PLB1: variants seen among roughly 807,000 people sequenced by gnomAD.
PLB1 encodes the protein phospholipase B1, membrane-associated.
In PLB1, 242 loss-of-function variants were observed where a neutral mutation model predicts 227.4. The observed-to-expected ratio is 1.06, with a 90% CI of 0.96 to 1.18. PLB1 has a LOEUF of 1.18. Among genes scored for constraint, PLB1 ranks in the 50% most tolerant of loss-of-function variants. PLB1 has a pLI of 0.00. For synonymous variants in PLB1, 757 were observed against 682.2 expected, an observed-to-expected ratio of 1.11 and a Z score of -1.71; for missense variants, 1,858 against 1,816.3, an observed-to-expected ratio of 1.02 and a Z score of -0.42.
At chr2:28,578,055 G>A (rs369954152) in intron 21 of PLB1, 52 bp from the exon 22 acceptor site, 196 of 1,564,952 alleles carry the variant, frequency 1.3e-4, no homozygotes, top group Non-Finnish European at 1.6e-4. Flanking sequence ...TCTGCTAAGG[G>A]CCCCTGCCAG....
At chr2:28,575,175 T>C (rs1162684575) in intron 21 of PLB1, among the ~76,000 whole-genome samples, 1 of 152,204 alleles carries the variant, frequency 6.6e-6, no homozygotes, top group African/African-American at 2.4e-5. Context: ...GGCCAACACC[T>C]ATTATTTTTT....
chr2:28,643,464 C>T lies in PLB1; in HGVS notation c.*403C>T, dbSNP rs1690182859. ...TCAAAGGCAGAAAAAATGCTGGTCA[C>T]CAGGTGGTGGCTGGAATTTTGGAGC... On this transcript the variant is annotated 3_prime_UTR_variant, in exon 58 of 58. Coordinates refer to ENST00000327757, the MANE Select transcript of PLB1 (RefSeq NM_153021.5). 1 of 168,654 alleles carries T rather than the reference C, an allele frequency of 5.9e-6. No individual in the cohort carries two copies. Among genetic ancestry groups the T allele is most frequent in the Non-Finnish European group, 1.3e-5 (1 of 78,762 alleles). 10.4% of individuals were successfully genotyped at this position (168,654 alleles called of 1,614,324 possible).
rs146485949 is a variant in PLB1 at position 28,497,792 on chromosome 2, T to C, written c.55+1623T>C. On this transcript the variant is annotated intron_variant, in intron 1 of 57. Transcript: ENST00000327757. ...GGAGTGCAGTGGCTTGGTCTCAGCT[T>C]ACCGCAACCTCTGCCCTCCAGGTTC... Among the ~76,000 whole-genome samples, 825 of 152,150 alleles carry C rather than the reference T, an allele frequency of 5.4e-3. 8 individuals carry two copies. Among genetic ancestry groups the C allele is most frequent in the African/African-American group, 0.019 (785 of 41,504 alleles).
At chr2:28,573,130 C>T in intron 20 of PLB1, 67 bp from the exon 21 acceptor site, 3 of 1,271,798 alleles carry the variant, frequency 2.4e-6, no homozygotes, top group South Asian at 1.2e-5. Flanking sequence ...CCCACTGGTG[C>T]TTATCAAAGG....
In PLB1 at chr2:28,589,986, T is replaced by C; in HGVS notation, c.2017-19T>C. The C allele has an allele frequency of 6.2e-7, 1 of 1,609,384 alleles. No individual in the cohort carries two copies. Among genetic ancestry groups the C allele is most frequent in the Non-Finnish European group, 8.5e-7 (1 of 1,175,878 alleles). ...GGCCGCCTCTTCCTCACTCCCCATCTCCCTGCTTCTTTGTTTAGCTGGAGC... is the reference window on the plus strand; with the variant it reads ...GGCCGCCTCTTCCTCACTCCCCATCCCCCTGCTTCTTTGTTTAGCTGGAGC... On this transcript the variant is annotated intron_variant, in intron 28 of 57. Coordinates refer to ENST00000327757, the MANE Select transcript of PLB1 (RefSeq NM_153021.5).
At chr2:28,519,045 T>G (rs566845129) in intron 3 of PLB1, among the ~76,000 whole-genome samples, 1 of 152,318 alleles carries the variant, frequency 6.6e-6, no homozygotes, top group South Asian at 2.1e-4. Flanking sequence ...ATAAGGACTT[T>G]AGGTTGAAAA....
At chr2:28,576,613 C>A (rs1304724352) in intron 21 of PLB1, among the ~76,000 whole-genome samples, 1 of 152,092 alleles carries the variant, frequency 6.6e-6, no homozygotes, top group Non-Finnish European at 1.5e-5. Context: ...GCCTGTAATT[C>A]CAGTTATTTG....
intron 56 of PLB1, among the ~76,000 whole-genome samples, chr2:28,639,540 A>C (rs1327518689): frequency 6.6e-6 from 1 of 152,180 alleles, no homozygotes; most frequent in Admixed American, 6.5e-5. Flanking sequence ...GGGGACATGG[A>C]TCAAAGAAAG....
chr2:28,540,342 T>C, intron 11 of PLB1, 24 bp from the exon 12 acceptor site: 1 of 1,607,794 alleles, frequency 6.2e-7, no homozygotes, highest in Non-Finnish European at 8.5e-7. Context: ...CCCTCTCTCA[T>C]TCCTGGTGTG....
intron 35 of PLB1, 23 bp from the exon 36 acceptor site, chr2:28,600,786 G>A (rs1183539579): frequency 6.2e-7 from 1 of 1,611,712 alleles, no homozygotes; most frequent in Non-Finnish European, 8.5e-7. Flanking sequence ...TCAACAGAAG[G>A]ATGGGTTTTC....
At chr2:28,620,699 G>A (rs1188594712) in intron 48 of PLB1, 56 bp downstream of exon 48, 5 of 1,607,388 alleles carry the variant, frequency 3.1e-6, no homozygotes, top group African/African-American at 1.3e-5. Context: ...TGGGGCCAGG[G>A]CCTTCCTGCT....
chr2:28,629,020 G>A (rs1179134649), intron 52 of PLB1, 74 bp from the exon 53 acceptor site: 4 of 1,263,234 alleles, frequency 3.2e-6, no homozygotes, highest in Non-Finnish European at 4.5e-6. Context: ...AGTGGGAATT[G>A]GATTGTAGAT....
chr2:28,534,390 G>C (rs1671400905), intron 9 of PLB1, among the ~76,000 whole-genome samples: 1 of 152,078 alleles, frequency 6.6e-6, no homozygotes, highest in Admixed American at 6.5e-5. Flanking sequence ...TCAATTTAAA[G>C]GATTGCAACC....
intron 21 of PLB1, 64 bp downstream of exon 21, chr2:28,573,369 C>G: frequency 7.8e-7 from 1 of 1,286,088 alleles, no homozygotes. Context: ...GTGGGCTTGG[C>G]CTAAACTGGG....
At chr2:28,603,886 C>T (rs1236190934) in intron 39 of PLB1, 80 bp from the exon 40 acceptor site, 7 of 1,353,576 alleles carry the variant, frequency 5.2e-6, no homozygotes, top group Non-Finnish European at 7.4e-6. Context: ...CTCCACCCCT[C>T]CCCTGAACCT....
intron 4 of PLB1, among the ~76,000 whole-genome samples, chr2:28,523,018 C>T (rs115463472): frequency 0.013 from 1,994 of 152,264 alleles, 27 homozygotes; most frequent in Non-Finnish European, 0.018. Context: ...TAGGTATACG[C>T]ACTTCTTTGG....
At chr2:28,500,141 A>G (rs1361385745) in intron 1 of PLB1, among the ~76,000 whole-genome samples, 1 of 152,098 alleles carries the variant, frequency 6.6e-6, no homozygotes, top group Non-Finnish European at 1.5e-5. Context: ...TCATTTCTTC[A>G]GTCATTGCTT....
At chr2:28,553,839 CA>C (rs1268260282) in intron 17 of PLB1, among the ~76,000 whole-genome samples, 1 of 152,100 alleles carries the variant, frequency 6.6e-6, no homozygotes, top group Non-Finnish European at 1.5e-5. Flanking sequence ...TTATAAAAAA[CA>C]GAAAATTAAG....
At chr2:28,584,888 C>A (rs1372843538) in intron 25 of PLB1, among the ~76,000 whole-genome samples, 1 of 152,206 alleles carries the variant, frequency 6.6e-6, no homozygotes, top group East Asian at 1.9e-4. Context: ...GACTTGAGTT[C>A]AAGTCCTAGC....
Sources: gnomAD v4.1 joint callset for allele counts (sites outside exome capture counted in the v4.1 genomes callset) on GRCh38, gnomAD v4.1.1 for gene constraint, MANE v1.5 for transcripts, NCBI Gene and HGNC (gene_info 2026-07-23, HGNC 2026-07-21) for gene names.